PHKB: variants seen among roughly 807,000 people sequenced by gnomAD.
The protein encoded by PHKB is phosphorylase kinase regulatory subunit beta.
In PHKB, 122 loss-of-function variants were observed where a neutral mutation model predicts 152.1. That is an observed-to-expected ratio of 0.80 (90% CI 0.69 to 0.93). The LOEUF (loss-of-function observed/expected upper bound fraction) is 0.93, where lower values mean the gene tolerates loss of function less well. Among genes scored for constraint, PHKB ranks in the 40% least tolerant of loss-of-function variants. PHKB has a pLI of 0.00. For missense variants in PHKB, 1,304 were observed against 1,328.4 expected (o/e 0.98, Z 0.29); for synonymous variants, 436 against 464.9 (o/e 0.94, Z 0.80).
At chr16:47,597,352 T>A (rs1972138634) in intron 13 of PHKB, among the ~76,000 whole-genome samples, 2 of 152,158 alleles carry the variant, frequency 1.3e-5, no homozygotes, top group East Asian at 3.8e-4. Context: ...CTTCGGTTTT[T>A]AAAAAAATAT....
chr16:47,696,238 A>G, intron 28 of PHKB, 143 bp from the exon 29 acceptor site: 1 of 691,530 alleles, frequency 1.4e-6, no homozygotes, highest in Non-Finnish European at 2.7e-6. Flanking sequence ...TGACATATAT[A>G]AAATCCAGTT....
At chr16:47,673,932 A>G (rs1232040164) in intron 26 of PHKB, among the ~76,000 whole-genome samples, 1 of 152,170 alleles carries the variant, frequency 6.6e-6, no homozygotes, top group Non-Finnish European at 1.5e-5. Context: ...AAGAACTGGG[A>G]TTTACACCCA....
intron 14 of PHKB, among the ~76,000 whole-genome samples, chr16:47,620,396 A>T (rs1972596021): frequency 6.6e-6 from 1 of 152,244 alleles, no homozygotes; most frequent in African/African-American, 2.4e-5. Context: ...GTATTTTGAT[A>T]GTTCCAATGC....
At chr16:47,660,961 A>G (rs1973433574) in intron 22 of PHKB, 142 bp downstream of exon 22, 3 of 818,436 alleles carry the variant, frequency 3.7e-6, no homozygotes, top group South Asian at 1.4e-5. Flanking sequence ...TCCCAGGGCA[A>G]TCATGAGAAG....
intron 26 of PHKB, among the ~76,000 whole-genome samples, chr16:47,686,148 C>G (rs1276916599): frequency 6.6e-6 from 1 of 152,116 alleles, no homozygotes; most frequent in Non-Finnish European, 1.5e-5. Flanking sequence ...ATAATTTGCC[C>G]ACAAAACTGC....
chr16:47,685,381 C>T (rs952031119), intron 26 of PHKB, among the ~76,000 whole-genome samples: 6 of 152,110 alleles, frequency 3.9e-5, no homozygotes, highest in African/African-American at 9.7e-5. Flanking sequence ...GCCAAGATCA[C>T]GCCATTGCAC....
chr16:47,538,646 A>T (rs1317255609), intron 6 of PHKB, among the ~76,000 whole-genome samples: 1 of 152,206 alleles, frequency 6.6e-6, no homozygotes, highest in East Asian at 1.9e-4. Flanking sequence ...CCTTCATGAG[A>T]TAACCTGGGT....
At chr16:47,552,260 T>C (rs955895725) in intron 7 of PHKB, among the ~76,000 whole-genome samples, 1 of 152,188 alleles carries the variant, frequency 6.6e-6, no homozygotes, top group African/African-American at 2.4e-5. Context: ...GTCATTATGA[T>C]GTTAGCTGGT....
At chr16:47,474,677 A>G (rs1969837905) in intron 1 of PHKB, among the ~76,000 whole-genome samples, 1 of 151,944 alleles carries the variant, frequency 6.6e-6, no homozygotes, top group Non-Finnish European at 1.5e-5. Flanking sequence ...AATCAACAAT[A>G]TGTCAAAAAG....
intron 6 of PHKB, 79 bp downstream of exon 6, chr16:47,515,680 T>C: frequency 1.4e-6 from 1 of 735,792 alleles, no homozygotes; most frequent in Non-Finnish European, 2.5e-6. Context: ...TCACAACTTA[T>C]TTTTAGTTTA....
At chr16:47,616,493 T>TTATATATTTATATGTAAATATAAA (rs1170356114) in intron 14 of PHKB, among the ~76,000 whole-genome samples, 3 of 146,184 alleles carry the variant, frequency 2.1e-5, no homozygotes, top group Non-Finnish European at 4.5e-5. Flanking sequence ...AATATATATT[T>TTATATATTTATATGTAAATATAAA]TATATATTTA....
chr16:47,474,298 T>C (rs1423560936), intron 1 of PHKB, among the ~76,000 whole-genome samples: 1 of 152,202 alleles, frequency 6.6e-6, no homozygotes, highest in African/African-American at 2.4e-5. Flanking sequence ...GTCTTGTAGC[T>C]CAGGACTGAA....
chr16:47,522,437 C>T (rs1970700331), intron 6 of PHKB, among the ~76,000 whole-genome samples: 1 of 151,494 alleles, frequency 6.6e-6, no homozygotes, highest in Non-Finnish European at 1.5e-5. Context: ...CCCTTTTTTT[C>T]TTGGTCAGCC....
intron 20 of PHKB, among the ~76,000 whole-genome samples, chr16:47,657,745 A>G (rs754426922): frequency 6.6e-6 from 1 of 152,214 alleles, no homozygotes; most frequent in African/African-American, 2.4e-5. Flanking sequence ...AATGGAAATT[A>G]TTAAATAGAA....
chr16:47,475,262 T>C (rs1016137205), intron 1 of PHKB, among the ~76,000 whole-genome samples: 3 of 152,222 alleles, frequency 2.0e-5, no homozygotes, highest in African/African-American at 7.2e-5. Flanking sequence ...TGATCTTTGA[T>C]TTTAAATGTT....
chr16:47,587,573 G>A, intron 8 of PHKB, 95 bp from the exon 9 acceptor site: 2 of 815,290 alleles, frequency 2.5e-6, no homozygotes, highest in South Asian at 2.9e-5. Context: ...TGCAGACAAT[G>A]TCAGTATTTT....
At chr16:47,531,683 G>A (rs994792885) in intron 6 of PHKB, among the ~76,000 whole-genome samples, 3 of 152,098 alleles carry the variant, frequency 2.0e-5, no homozygotes, top group African/African-American at 7.2e-5. Context: ...TGCCATCAAT[G>A]TATTGCAATA....
At chr16:47,502,597 A>G (rs760838307) in intron 3 of PHKB, among the ~76,000 whole-genome samples, 7 of 152,230 alleles carry the variant, frequency 4.6e-5, no homozygotes, top group African/African-American at 9.6e-5. Flanking sequence ...CTTAAATCCA[A>G]GCGGCCATTG....
intron 3 of PHKB, 149 bp downstream of exon 3, chr16:47,500,043 C>A (rs942134075): frequency 2.4e-5 from 21 of 862,738 alleles, no homozygotes; most frequent in Non-Finnish European, 3.5e-5. Context: ...GCCTCTAAAC[C>A]TTTTCATTTT....
Sources: gnomAD v4.1 joint callset for allele counts (sites outside exome capture counted in the v4.1 genomes callset) on GRCh38, gnomAD v4.1.1 for gene constraint, MANE v1.5 for transcripts, NCBI Gene and HGNC (gene_info 2026-07-23, HGNC 2026-07-21) for gene names.